The following STARD13 variants were observed in gnomAD, a reference collection of about 807,000 sequenced individuals.
STARD13 encodes the protein stAR-related lipid transfer protein 13.
In STARD13, 62 loss-of-function variants were observed where a neutral mutation model predicts 106.4. The ratio of observed to expected loss-of-function variants is 0.58; its 90% CI spans 0.48 to 0.72. The LOEUF (loss-of-function observed/expected upper bound fraction) is 0.72. Ranked by LOEUF, STARD13 falls within the 30% of genes least tolerant of loss-of-function variation. The pLI, the probability that STARD13 is intolerant of heterozygous loss-of-function variation, is 0.00. For synonymous variants in STARD13, 565 were observed against 553.0 expected, an observed-to-expected ratio of 1.02 and a Z score of -0.31; for missense variants, 1,387 against 1,424.0, an observed-to-expected ratio of 0.97 and a Z score of 0.42.
At chr13:33,142,456 T>A (rs1275900907) in intron 3 of STARD13, 83 bp from the exon 4 acceptor site, 8 of 1,302,328 alleles carry the variant, frequency 6.1e-6, no homozygotes, top group Middle Eastern at 1.8e-4. Flanking sequence ...TTATTTCCAG[T>A]AAAGTTGAAA....
chr13:33,404,027 C>A, the STARD13 span, among the ~76,000 whole-genome samples: 32 of 152,292 alleles, frequency 2.1e-4, no homozygotes, highest in Admixed American at 1.7e-3. Context: ...TCATACGCAA[C>A]CTTTCATCGT....
chr13:33,489,712 G>T, the STARD13 span, among the ~76,000 whole-genome samples: 1 of 152,146 alleles, frequency 6.6e-6, no homozygotes, highest in African/African-American at 2.4e-5. Flanking sequence ...TTATTAATCT[G>T]AACAATGGTG....
the STARD13 span, among the ~76,000 whole-genome samples, chr13:33,556,271 T>C: frequency 6.6e-6 from 1 of 152,140 alleles, no homozygotes; most frequent in East Asian, 1.9e-4. Context: ...TTCTTTTCCT[T>C]TCTCACTTTT....
chr13:33,330,580 A>G (rs903156272), intron 1 of STARD13, among the ~76,000 whole-genome samples: 2 of 152,244 alleles, frequency 1.3e-5, no homozygotes, highest in Non-Finnish European at 2.9e-5. Context: ...ACAAATAAAT[A>G]TAGCCTTTTA....
chr13:33,207,259 G>C (rs1295428614), intron 1 of STARD13, among the ~76,000 whole-genome samples: 1 of 152,164 alleles, frequency 6.6e-6, no homozygotes, highest in Non-Finnish European at 1.5e-5. Context: ...ATAGGGCAGA[G>C]TGGGGCTGAA....
the STARD13 span, among the ~76,000 whole-genome samples, chr13:33,599,481 TAAAAG>T: frequency 2.0e-5 from 3 of 152,182 alleles, no homozygotes; most frequent in Non-Finnish European, 4.4e-5. Flanking sequence ...TCCTTATTAA[TAAAAG>T]AAAACTTCAT....
At chr13:33,652,733 T>C in the STARD13 span, among the ~76,000 whole-genome samples, 1 of 152,176 alleles carries the variant, frequency 6.6e-6, no homozygotes, top group Non-Finnish European at 1.5e-5. Flanking sequence ...CCTAACTTCT[T>C]TGAGCTTTGG....
At chr13:33,245,903 T>G (rs140438171) in intron 1 of STARD13, among the ~76,000 whole-genome samples, 1 of 152,308 alleles carries the variant, frequency 6.6e-6, no homozygotes, top group East Asian at 1.9e-4. Context: ...AATTAACTGG[T>G]AAACTCAAGA....
At chr13:33,317,068 G>A (rs961712922) in intron 1 of STARD13, among the ~76,000 whole-genome samples, 10 of 152,074 alleles carry the variant, frequency 6.6e-5, no homozygotes, top group Non-Finnish European at 1.5e-4. Flanking sequence ...GACCTCTGAG[G>A]TGGTGGTGCC....
chr13:33,154,116 G>A, intron 3 of STARD13, among the ~76,000 whole-genome samples: 1 of 152,238 alleles, frequency 6.6e-6, no homozygotes. Context: ...GTAACTCCAT[G>A]AGGGTGGGGC....
chr13:33,490,854 TG>T, the STARD13 span, among the ~76,000 whole-genome samples: 1 of 152,210 alleles, frequency 6.6e-6, no homozygotes, highest in Non-Finnish European at 1.5e-5. Context: ...GAAAGAGCTT[TG>T]TAACACTGAG....
the STARD13 span, among the ~76,000 whole-genome samples, chr13:33,610,798 C>T: frequency 0.024 from 3,621 of 152,292 alleles, 218 homozygotes; most frequent in East Asian, 0.25. Context: ...CTCAGCACGC[C>T]CAGCCCACCG....
chr13:33,323,411 A>G (rs1893629742), intron 1 of STARD13, among the ~76,000 whole-genome samples: 1 of 152,130 alleles, frequency 6.6e-6, no homozygotes, highest in South Asian at 2.1e-4. Flanking sequence ...CTCTGATCGC[A>G]CCCTTCTCCC....
chr13:33,250,313 A>G (rs1359813926), intron 1 of STARD13, among the ~76,000 whole-genome samples: 1 of 152,218 alleles, frequency 6.6e-6, no homozygotes, highest in Non-Finnish European at 1.5e-5. Context: ...AGTTCCCTAT[A>G]GGAAAGCTCA....
At chr13:33,314,094 T>C (rs1373532677) in intron 1 of STARD13, among the ~76,000 whole-genome samples, 1 of 152,136 alleles carries the variant, frequency 6.6e-6, no homozygotes, top group Non-Finnish European at 1.5e-5. Context: ...TCCTTAGAGC[T>C]AGATGTGGCA....
the STARD13 span, among the ~76,000 whole-genome samples, chr13:33,667,095 A>G: frequency 2.0e-5 from 3 of 152,228 alleles, no homozygotes; most frequent in African/African-American, 7.2e-5. Flanking sequence ...AAAATGTATT[A>G]TTAACCACAT....
chr13:33,215,720 G>A (rs190506154), intron 1 of STARD13, among the ~76,000 whole-genome samples: 1 of 152,162 alleles, frequency 6.6e-6, no homozygotes, highest in East Asian at 1.9e-4. Flanking sequence ...TTTGAGTGCA[G>A]GCCATTTTAA....
chr13:33,322,646 A>G lies in STARD13; in HGVS notation c.124+27644T>C, dbSNP rs577061398. 8.5e-5 allele frequency among the ~76,000 whole-genome samples: 13 copies of G among 152,372 alleles called. 1 individual carries two copies. In the East Asian group the frequency reaches 2.5e-3, roughly 29 times the overall value. ...TGACGTAAAAAGCTGCAGACGCATT[A>G]TTCAGCTATTCAGAAATAGGATCTG... On this transcript the variant is annotated intron_variant, in intron 1 of 5. Coordinates refer to the STARD13 transcript ENST00000567873.
the STARD13 span, among the ~76,000 whole-genome samples, chr13:33,395,274 C>A: frequency 6.6e-6 from 1 of 152,062 alleles, no homozygotes; most frequent in Admixed American, 6.6e-5. Context: ...ACTAAAAGGA[C>A]AATTTATAGT....
Sources: gnomAD v4.1 joint callset for allele counts (sites outside exome capture counted in the v4.1 genomes callset) on GRCh38, gnomAD v4.1.1 for gene constraint, MANE v1.5 for transcripts, NCBI Gene and HGNC (gene_info 2026-07-23, HGNC 2026-07-21) for gene names.